The following SNX3 variants were observed in gnomAD, a reference collection of about 807,000 sequenced individuals.
The protein encoded by SNX3 is sorting nexin 3.
Under a neutral mutation model 17.7 loss-of-function variants are expected in SNX3, and 5 were observed. The observed-to-expected ratio is 0.28, with a 90% confidence interval of 0.15 to 0.59. The LOEUF is 0.59. Ranked by LOEUF, SNX3 falls within the 20% of genes least tolerant of loss-of-function variation. The pLI is 0.88. For missense variants in SNX3, 132 were observed against 206.8 expected, an observed-to-expected ratio of 0.64 and a Z score of 2.22; for synonymous variants, 91 against 76.5, an observed-to-expected ratio of 1.19 and a Z score of -0.99.
intron 2 of SNX3, among the ~76,000 whole-genome samples, chr6:108,215,283 G>C (rs1010390841): frequency 6.6e-6 from 1 of 151,384 alleles, no homozygotes; most frequent in African/African-American, 2.4e-5. Flanking sequence ...CCGGGAGGCA[G>C]AGCTTGCAGT....
At chr6:108,223,750 C>A (rs1429715046) in intron 1 of SNX3, among the ~76,000 whole-genome samples, 1 of 152,122 alleles carries the variant, frequency 6.6e-6, no homozygotes, top group Non-Finnish European at 1.5e-5. Context: ...TGATCTGCTG[C>A]CTCGGCCTCC....
chr6:108,246,313 C>CTTTTTTTTTTTTTTT (rs71015538), intron 1 of SNX3, among the ~76,000 whole-genome samples: 1 of 47,984 alleles, frequency 2.1e-5, no homozygotes, highest in African/African-American at 9.0e-5. Context: ...TTTGAGCATT[C>CTTTTTTTTTTTTTTT]TTTTTTTTTT....
chr6:108,211,306 C>T lies in SNX3; in HGVS notation c.*843G>A, dbSNP rs1774399766. 1 of 152,118 alleles carries T rather than the reference C, an allele frequency of 6.6e-6. No individual in the cohort carries two copies. Among genetic ancestry groups the T allele is most frequent in the African/African-American group, 2.4e-5 (1 of 41,430 alleles). 9.4% of individuals were successfully genotyped at this position (152,118 alleles called of 1,614,324 possible). On this transcript the variant is annotated 3_prime_UTR_variant, in exon 4 of 4. Coordinates refer to ENST00000230085, the MANE Select transcript of SNX3 (RefSeq NM_003795.6). ...AGTGCTTCAAAATGATTCAATAAGCCTTAAGCAATACATTTTTTAGTATAT... is the reference window on the plus strand; with the variant it reads ...AGTGCTTCAAAATGATTCAATAAGCTTTAAGCAATACATTTTTTAGTATAT...
chr6:108,244,647 G>GTTTTTT (rs1021781550), intron 1 of SNX3, among the ~76,000 whole-genome samples: 190 of 87,216 alleles, frequency 2.2e-3, no homozygotes, highest in East Asian at 2.4e-3. Context: ...TAAGTAAGGA[G>GTTTTTT]TTTTTTTTTT....
At chr6:108,215,793 G>A (rs1774550365) in intron 2 of SNX3, among the ~76,000 whole-genome samples, 1 of 152,112 alleles carries the variant, frequency 6.6e-6, no homozygotes, top group African/African-American at 2.4e-5. Context: ...TTAGCTGGGT[G>A]TGGTGGTGTG....
At chr6:108,225,960 G>A (rs535578674) in intron 1 of SNX3, among the ~76,000 whole-genome samples, 1 of 148,310 alleles carries the variant, frequency 6.7e-6, no homozygotes, top group Non-Finnish European at 1.5e-5. Context: ...TTGAGCCCAG[G>A]AGTCAGGAGT....
At chr6:108,238,101 C>CAAAAAAAAAAA (rs11287104) in intron 1 of SNX3, among the ~76,000 whole-genome samples, 2 of 85,430 alleles carry the variant, frequency 2.3e-5, no homozygotes, top group African/African-American at 4.8e-5. Context: ...GATCCTGTCT[C>CAAAAAAAAAAA]AAAAAAAAAA....
At position 108,243,848 on chromosome 6, in the gene SNX3, G is replaced by T. The variant is rs528855575; in HGVS notation, c.162+16912C>A. Among the ~76,000 whole-genome samples the T allele has an allele frequency of 5.3e-5, 8 of 152,280 alleles. No individual in the cohort carries two copies. The East Asian group carries it at 7.7e-4, about 15-fold the overall frequency. ...CTTGGAAGGCTGAGGCACAAGAATC[G>T]CATGAACCTGGGAGGTGAAGGTTGC... On this transcript the variant is annotated intron_variant, in intron 1 of 3. Transcript: ENST00000230085.
At chr6:108,223,615 A>G (rs899390472) in intron 1 of SNX3, among the ~76,000 whole-genome samples, 70 of 144,348 alleles carry the variant, frequency 4.8e-4, no homozygotes, top group African/African-American at 1.5e-3. Flanking sequence ...CTCCTGCCTC[A>G]GCCTCCCAAG....
chr6:108,212,882 CTT>C (rs776376957), intron 3 of SNX3, among the ~76,000 whole-genome samples: 31 of 118,948 alleles, frequency 2.6e-4, no homozygotes, highest in Admixed American at 9.0e-4. Flanking sequence ...TCCTAAGAAT[CTT>C]TTTTTTTTTT....
chr6:108,253,819 G>A (rs999041198), intron 1 of SNX3, among the ~76,000 whole-genome samples: 7 of 151,962 alleles, frequency 4.6e-5, no homozygotes, highest in African/African-American at 1.7e-4. Context: ...GCCCTTACTG[G>A]GATGCTTTTT....
intron 1 of SNX3, among the ~76,000 whole-genome samples, chr6:108,250,003 A>C (rs1022534865): frequency 2.0e-5 from 3 of 152,050 alleles, no homozygotes; most frequent in Admixed American, 2.0e-4. Flanking sequence ...CTCCGCCCCC[A>C]GGGTTCAAGT....
At chr6:108,235,096 T>A (rs1435365337) in intron 1 of SNX3, among the ~76,000 whole-genome samples, 1 of 152,216 alleles carries the variant, frequency 6.6e-6, no homozygotes, top group Admixed American at 6.5e-5. Flanking sequence ...CACTCAATAT[T>A]TAAATATCTT....
chr6:108,254,424 C>T (rs1402405944), intron 1 of SNX3, among the ~76,000 whole-genome samples: 1 of 152,104 alleles, frequency 6.6e-6, no homozygotes, highest in East Asian at 1.9e-4. Flanking sequence ...CAGATTGCAC[C>T]ACCGTGCACT....
intron 1 of SNX3, 65 bp from the exon 2 acceptor site, chr6:108,223,110 C>T (rs968155033): frequency 3.1e-5 from 24 of 776,162 alleles, no homozygotes; most frequent in South Asian, 6.2e-5. Flanking sequence ...AATGGGGGGA[C>T]GGGTATGGCA....
At chr6:108,251,177 T>G (rs1775845574) in intron 1 of SNX3, among the ~76,000 whole-genome samples, 1 of 152,068 alleles carries the variant, frequency 6.6e-6, no homozygotes, top group Non-Finnish European at 1.5e-5. Flanking sequence ...TTTTCTCAAC[T>G]TAACAAAATT....
intron 1 of SNX3, among the ~76,000 whole-genome samples, chr6:108,231,826 T>C (rs1775168892): frequency 6.6e-6 from 1 of 152,246 alleles, no homozygotes; most frequent in South Asian, 2.1e-4. Flanking sequence ...CTTTAACCAT[T>C]AGGAGAGATT....
intron 1 of SNX3, among the ~76,000 whole-genome samples, chr6:108,249,697 AT>A (rs1414677177): frequency 2.0e-5 from 3 of 152,174 alleles, no homozygotes; most frequent in African/African-American, 7.2e-5. Context: ...TGGCCTTAAT[AT>A]TATCAGTGGG....
intron 1 of SNX3, among the ~76,000 whole-genome samples, chr6:108,253,950 A>G (rs1046544052): frequency 6.6e-6 from 1 of 151,910 alleles, no homozygotes; most frequent in African/African-American, 2.4e-5. Context: ...AAGGTGAAAC[A>G]CCATCTCTAC....
Sources: allele counts gnomAD v4.1 joint callset (sites outside exome capture counted in the v4.1 genomes callset), GRCh38; gene constraint gnomAD v4.1.1; transcripts MANE v1.5; gene names NCBI Gene and HGNC (gene_info 2026-07-23, HGNC 2026-07-21).